The following TECRL variants were observed in gnomAD, a reference collection of about 807,000 sequenced individuals.
TECRL encodes the protein trans-2,3-enoyl-CoA reductase like.
In TECRL, 63 loss-of-function variants were observed where a neutral mutation model predicts 52.8. The ratio of observed to expected loss-of-function variants is 1.19; its 90% CI spans 0.97 to 1.47. TECRL has a LOEUF of 1.47. Among genes scored for constraint, TECRL ranks in the 40% most tolerant of loss-of-function variants. The probability of loss-of-function intolerance (pLI) is 0.00; values close to 1 mark genes in which losing one functional copy is unlikely to be tolerated. For missense variants in TECRL, 482 were observed against 429.6 expected, an observed-to-expected ratio of 1.12 and a Z score of -1.08; for synonymous variants, 164 against 141.9, an observed-to-expected ratio of 1.16 and a Z score of -1.10.
intron 1 of TECRL, among the ~76,000 whole-genome samples, chr4:64,379,354 A>G (rs546194358): frequency 1.2e-3 from 180 of 152,098 alleles, no homozygotes; most frequent in African/African-American, 4.1e-3. Flanking sequence ...ATTTTTATTG[A>G]TATCTAATAA....
chr4:64,343,864 G>A (rs909159948), intron 2 of TECRL, among the ~76,000 whole-genome samples: 5 of 151,846 alleles, frequency 3.3e-5, no homozygotes, highest in African/African-American at 1.2e-4. Flanking sequence ...AATAAAGTAT[G>A]AACAAAATGT....
chr4:64,396,427 G>A (rs1037221916), intron 1 of TECRL, among the ~76,000 whole-genome samples: 4 of 152,004 alleles, frequency 2.6e-5, no homozygotes, highest in African/African-American at 9.7e-5. Flanking sequence ...GATTAGTAAT[G>A]TTGAGTATTT....
intron 8 of TECRL, among the ~76,000 whole-genome samples, chr4:64,294,089 C>G (rs986154236): frequency 6.6e-6 from 1 of 151,574 alleles, no homozygotes; most frequent in African/African-American, 2.4e-5. Flanking sequence ...CGGGCTCAAG[C>G]AATTTTCCTG....
At chr4:64,327,279 G>A (rs1409192944) in intron 3 of TECRL, among the ~76,000 whole-genome samples, 1 of 151,676 alleles carries the variant, frequency 6.6e-6, no homozygotes, top group Admixed American at 6.6e-5. Flanking sequence ...ACCCCATCCT[G>A]GTACACTCAA....
intron 1 of TECRL, among the ~76,000 whole-genome samples, chr4:64,405,659 A>G (rs551140434): frequency 6.6e-6 from 1 of 152,300 alleles, no homozygotes; most frequent in African/African-American, 2.4e-5. Flanking sequence ...TTTATGAGAC[A>G]TCACTAGGAA....
chr4:64,371,378 A>T (rs1721965391), intron 2 of TECRL, among the ~76,000 whole-genome samples: 1 of 151,042 alleles, frequency 6.6e-6, no homozygotes, highest in Admixed American at 6.6e-5. Context: ...AATAATTATA[A>T]TAAACAATTA....
At chr4:64,325,951 T>C (rs921633899) in intron 3 of TECRL, among the ~76,000 whole-genome samples, 17 of 152,190 alleles carry the variant, frequency 1.1e-4, no homozygotes, top group Non-Finnish European at 2.5e-4. Flanking sequence ...TCCATGATTA[T>C]GTCCCTTATC....
chr4:64,395,922 A>AGTATTTGGTT (rs1723914744), intron 1 of TECRL, among the ~76,000 whole-genome samples: 1 of 152,114 alleles, frequency 6.6e-6, no homozygotes, highest in Non-Finnish European at 1.5e-5. Flanking sequence ...AAGAACATGC[A>AGTATTTGGTT]GTATTTGGTT....
intron 2 of TECRL, among the ~76,000 whole-genome samples, chr4:64,373,615 C>G (rs1390475986): frequency 6.6e-6 from 1 of 151,584 alleles, no homozygotes; most frequent in African/African-American, 2.4e-5. Flanking sequence ...ATAAACTCGA[C>G]TTTGATTCAT....
chr4:64,288,844 A>G (rs988095032), intron 9 of TECRL, among the ~76,000 whole-genome samples: 1 of 152,286 alleles, frequency 6.6e-6, no homozygotes. Flanking sequence ...AAAGGACCCA[A>G]TTCTTCTCCA....
intron 7 of TECRL, 152 bp from the exon 8 acceptor site, chr4:64,300,169 C>T (rs1723933047): frequency 2.2e-6 from 1 of 456,588 alleles, no homozygotes; most frequent in Admixed American, 3.7e-5. Flanking sequence ...GATACTTTTG[C>T]AATCTAAAGT....
intron 2 of TECRL, among the ~76,000 whole-genome samples, chr4:64,334,234 G>A (rs1228649361): frequency 6.6e-6 from 1 of 151,912 alleles, no homozygotes; most frequent in African/African-American, 2.4e-5. Context: ...TCCTTGATGT[G>A]CTAAAGATAT....
At chr4:64,360,113 A>G (rs1344745214) in intron 2 of TECRL, among the ~76,000 whole-genome samples, 4 of 152,164 alleles carry the variant, frequency 2.6e-5, no homozygotes, top group South Asian at 2.1e-4. Context: ...ATTTATTCGT[A>G]CAGTTTTTGA....
At position 64,289,743 on chromosome 4, in the gene TECRL, T is replaced by C. The variant is rs1723275671; in HGVS notation, c.799A>G (p.Ile267Val). 4.5e-6 allele frequency: 7 copies of C among 1,549,566 alleles called. No individual in the cohort carries two copies. The highest frequency in any genetic ancestry group is 2.2e-5 in the Admixed American group (1 of 45,076). Residue 267 changes from isoleucine to valine, a missense_variant, in exon 9 of 12, where the codon ATC becomes GTC. Transcript: ENST00000381210. Reference protein sequence around the residue: ...FLICEAGNHFINVMLSHPNHT... With the variant: ...FLICEAGNHFVNVMLSHPNHT... ...TTGGGATGAGACAACATTACATTGA[T>C]GAAATGATTCCCAGCTTCACAAATC...
At position 64,377,101 on chromosome 4, in the gene TECRL, C is replaced by T. The variant is rs537693472; in HGVS notation, c.235-1878G>A. Among the ~76,000 whole-genome samples the T allele has an allele frequency of 2.1e-3, 317 of 152,032 alleles. 3 individuals carry two copies. The highest frequency in any genetic ancestry group is 3.1e-3 in the Non-Finnish European group (208 of 67,912). On this transcript the variant is annotated intron_variant, in intron 1 of 11. Transcript: ENST00000381210. ...CTAACATTGTTTTCCTGAACGAAAC[C>T]TTCATGTGGAATAGGGATGTATTAT...
At chr4:64,318,074 A>G (rs1717629707) in intron 4 of TECRL, among the ~76,000 whole-genome samples, 2 of 152,186 alleles carry the variant, frequency 1.3e-5, no homozygotes, top group African/African-American at 4.8e-5. Context: ...TCATTCATTT[A>G]GAAGATGGTA....
chr4:64,332,205 C>T (rs1718687271), intron 2 of TECRL, among the ~76,000 whole-genome samples: 1 of 152,096 alleles, frequency 6.6e-6, no homozygotes, highest in Admixed American at 6.5e-5. Flanking sequence ...ACCTATGAGC[C>T]TAATGGGACA....
At chr4:64,295,071 A>T (rs1723603701) in intron 8 of TECRL, among the ~76,000 whole-genome samples, 1 of 151,634 alleles carries the variant, frequency 6.6e-6, no homozygotes, top group African/African-American at 2.4e-5. Context: ...TACTTTCTGC[A>T]CTTTTATTAT....
intron 1 of TECRL, among the ~76,000 whole-genome samples, chr4:64,405,975 A>C (rs2109795042): frequency 6.6e-6 from 1 of 152,212 alleles, no homozygotes; most frequent in South Asian, 2.1e-4. Context: ...GACCTCAGTA[A>C]GTTCAGATTC....
Sources: gnomAD v4.1 joint callset for allele counts (sites outside exome capture counted in the v4.1 genomes callset) on GRCh38, gnomAD v4.1.1 for gene constraint, MANE v1.5 for transcripts, NCBI Gene and HGNC (gene_info 2026-07-23, HGNC 2026-07-21) for gene names.